Variants in KCTD1 observed in about 807,000 individuals in gnomAD.
The protein encoded by KCTD1 is potassium channel tetramerization domain containing 1, also known as BTB/POZ domain-containing protein KCTD1.
A neutral mutation model predicts 66.0 loss-of-function variants in KCTD1; 24 were observed. The ratio of observed to expected loss-of-function variants is 0.36; its 90% CI spans 0.26 to 0.51. The LOEUF (loss-of-function observed/expected upper bound fraction) is 0.51, where lower values mean the gene tolerates loss of function less well. KCTD1 is among the 20% of genes least tolerant of loss of function. The pLI, the probability that KCTD1 is intolerant of heterozygous loss-of-function variation, is 0.95. For missense variants in KCTD1, 943 were observed against 1,205.2 expected, an observed-to-expected ratio of 0.78 and a Z score of 3.22; for synonymous variants, 511 against 517.2, an observed-to-expected ratio of 0.99 and a Z score of 0.16.
intron 1 of KCTD1, among the ~76,000 whole-genome samples, chr18:26,635,861 C>T (rs1392169973): frequency 6.6e-6 from 1 of 152,132 alleles, no homozygotes; most frequent in Non-Finnish European, 1.5e-5. Flanking sequence ...TAAAAGAGCC[C>T]TGGGAGATAG....
In KCTD1 at chr18:26,525,535, G is replaced by A. The variant is rs112931100; in HGVS notation, c.1809+21193C>T. Among the ~76,000 whole-genome samples, 166 of 152,222 alleles carry A rather than the reference G, an allele frequency of 1.1e-3. 3 individuals carry two copies. Among genetic ancestry groups the A allele is most frequent in the Middle Eastern group, 6.8e-3 (2 of 294 alleles). On this transcript the variant is annotated intron_variant, in intron 1 of 4. Transcript: ENST00000580059. The stretch of plus-strand genomic sequence containing the variant: ...CCCAAAGATTTTCCAAAACCTTTGC[G>A]TGAGCTGATCCCTCTGCCCAGGATG...
intron 1 of KCTD1, among the ~76,000 whole-genome samples, chr18:26,509,400 T>A (rs184497154): frequency 8.2e-4 from 125 of 152,186 alleles, no homozygotes; most frequent in African/African-American, 2.2e-3. Flanking sequence ...AAATTTTTTT[T>A]AATTTTATTT....
At chr18:26,630,966 C>T (rs772929141), upstream of KCTD1, among the ~76,000 whole-genome samples, 3 of 151,716 alleles carry the variant, frequency 2.0e-5, no homozygotes, top group Non-Finnish European at 2.9e-5. Context: ...TCTGCAACTG[C>T]GATCTTGATA....
At chr18:26,650,127 C>G (rs1339253320) in intron 1 of KCTD1, among the ~76,000 whole-genome samples, 2 of 152,210 alleles carry the variant, frequency 1.3e-5, no homozygotes, top group Non-Finnish European at 2.9e-5. Context: ...CAACGTCCTA[C>G]TTAGCATCAA....
intron 1 of KCTD1, among the ~76,000 whole-genome samples, chr18:26,590,972 A>T (rs1214163145): frequency 6.6e-6 from 1 of 152,192 alleles, no homozygotes; most frequent in Non-Finnish European, 1.5e-5. Flanking sequence ...CTTATTACTT[A>T]TTATATACAC....
At chr18:26,586,690 A>T (rs2144935138) in intron 1 of KCTD1, among the ~76,000 whole-genome samples, 1 of 152,354 alleles carries the variant, frequency 6.6e-6, no homozygotes, top group African/African-American at 2.4e-5. Flanking sequence ...CACACAAATA[A>T]CAAGAAAGCA....
At chr18:26,491,900 T>C (rs1982219862) in intron 2 of KCTD1, among the ~76,000 whole-genome samples, 1 of 152,094 alleles carries the variant, frequency 6.6e-6, no homozygotes, top group Non-Finnish European at 1.5e-5. Context: ...ATGGGAAACA[T>C]TAAAAAATCC....
chr18:26,569,126 C>G (rs1202391731), intron 1 of KCTD1, among the ~76,000 whole-genome samples: 1 of 152,118 alleles, frequency 6.6e-6, no homozygotes, highest in South Asian at 2.1e-4. Flanking sequence ...TTACAAAGCA[C>G]TTTTACGTGT....
intron 1 of KCTD1, among the ~76,000 whole-genome samples, chr18:26,577,815 C>T (rs1442731069): frequency 1.3e-5 from 2 of 152,098 alleles, no homozygotes; most frequent in East Asian, 3.9e-4. Context: ...CTCAAGTGAT[C>T]CTCCTGCCTG....
At chr18:26,647,332 C>CA (rs1568020030) in intron 1 of KCTD1, among the ~76,000 whole-genome samples, 3 of 3,316 alleles carry the variant, frequency 9.0e-4, no homozygotes, top group Admixed American at 5.4e-3. Context: ...GATAGTGAAA[C>CA]CCCCCCCCCA....
intron 2 of KCTD1, among the ~76,000 whole-genome samples, chr18:26,495,812 C>T (rs1322560245): frequency 6.6e-6 from 1 of 151,996 alleles, no homozygotes; most frequent in Non-Finnish European, 1.5e-5. Context: ...TAGTAATAAC[C>T]TATTACACTT....
chr18:26,579,435 C>T (rs113028892), intron 1 of KCTD1, among the ~76,000 whole-genome samples: 1 of 152,026 alleles, frequency 6.6e-6, no homozygotes, highest in Non-Finnish European at 1.5e-5. Flanking sequence ...GCAGATGACC[C>T]CAGAGAAAAC....
intron 1 of KCTD1, among the ~76,000 whole-genome samples, chr18:26,568,932 TG>T (rs1364806239): frequency 6.6e-6 from 1 of 152,224 alleles, no homozygotes; most frequent in Non-Finnish European, 1.5e-5. Context: ...TTTTTTGGTT[TG>T]GGCATAACAA....
chr18:26,624,051 G>A (rs1170965912), intron 1 of KCTD1, among the ~76,000 whole-genome samples: 2 of 152,232 alleles, frequency 1.3e-5, no homozygotes, highest in East Asian at 3.8e-4. Context: ...AAAGAGACTG[G>A]CGGCATTTTG....
At chr18:26,511,485 C>T (rs562075253) in intron 1 of KCTD1, among the ~76,000 whole-genome samples, 37 of 152,268 alleles carry the variant, frequency 2.4e-4, no homozygotes, top group African/African-American at 8.4e-4. Context: ...CCTGAAGTCG[C>T]CCTGCACACG....
intron 1 of KCTD1, among the ~76,000 whole-genome samples, chr18:26,528,556 C>A (rs1318643768): frequency 6.6e-6 from 1 of 152,178 alleles, no homozygotes; most frequent in African/African-American, 2.4e-5. Flanking sequence ...CTGCCTTCCT[C>A]CAGCTGCTGC....
At chr18:26,505,621 A>G (rs982508443) in intron 1 of KCTD1, among the ~76,000 whole-genome samples, 1 of 151,988 alleles carries the variant, frequency 6.6e-6, no homozygotes, top group African/African-American at 2.4e-5. Context: ...CAGTGGCGCA[A>G]TCATAGCTCA....
Position 26,541,438 on chromosome 18 carries a change from G to T in KCTD1, c.1809+5290C>A, listed in dbSNP as rs182402466. Among the ~76,000 whole-genome samples, 198 of 152,262 alleles carry T rather than the reference G, an allele frequency of 1.3e-3. 3 individuals carry two copies. The highest frequency in any genetic ancestry group is 4.6e-3 in the African/African-American group (193 of 41,548). On this transcript the variant is annotated intron_variant, in intron 1 of 4. Coordinates refer to ENST00000580059, the MANE Select transcript of KCTD1 (RefSeq NM_001142730.3). ...CACCTCTGTTATTTTTGAAAATTCT[G>T]TTACCCAAAGCTTGGGCAAAATTTA...
At chr18:26,621,443 G>T (rs766929012) in intron 1 of KCTD1, among the ~76,000 whole-genome samples, 19 of 152,028 alleles carry the variant, frequency 1.2e-4, no homozygotes, top group Non-Finnish European at 4.4e-5. Flanking sequence ...AAATTGAGGC[G>T]GCGGAATTCG....
Sources: allele counts gnomAD v4.1 joint callset (sites outside exome capture counted in the v4.1 genomes callset), GRCh38; gene constraint gnomAD v4.1.1; transcripts MANE v1.5; gene names NCBI Gene and HGNC (gene_info 2026-07-23, HGNC 2026-07-21).